Variants in CELF4 observed in about 807,000 individuals in gnomAD.
CELF4 encodes the protein CUGBP Elav-like family member 4, also known as CUG-BP- and ETR-3-like factor 4.
In CELF4, 18 loss-of-function variants were observed where a neutral mutation model predicts 59.9. The ratio of observed to expected loss-of-function variants is 0.30; its 90% confidence interval spans 0.21 to 0.45. The LOEUF (loss-of-function observed/expected upper bound fraction) is 0.45. CELF4 is among the 20% of genes least tolerant of loss of function. CELF4 has a pLI of 1.00. For synonymous variants in CELF4, 261 were observed against 267.1 expected (o/e 0.98, Z 0.22); for missense variants, 456 against 689.0 (o/e 0.66, Z 3.79).
chr18:37,440,903 T>TC (rs1407169014), intron 2 of CELF4, among the ~76,000 whole-genome samples: 1 of 152,180 alleles, frequency 6.6e-6, no homozygotes, highest in Non-Finnish European at 1.5e-5. Flanking sequence ...ATAACAATTC[T>TC]CCCCTGATCT....
At chr18:37,273,650 A>C (rs768800318) in intron 6 of CELF4, 34 of 988,184 alleles carry the variant, frequency 3.4e-5, no homozygotes, top group Non-Finnish European at 4.1e-5. Context: ...GAGTGCGGAC[A>C]GGGGAGGCTG....
chr18:37,517,473 C>T (rs1418437745), intron 1 of CELF4, among the ~76,000 whole-genome samples: 1 of 152,134 alleles, frequency 6.6e-6, no homozygotes, highest in African/African-American at 2.4e-5. Flanking sequence ...CCCTACCACT[C>T]AGCCCACTGC....
chr18:37,522,863 T>C (rs2099959175), intron 1 of CELF4, among the ~76,000 whole-genome samples: 1 of 152,112 alleles, frequency 6.6e-6, no homozygotes, highest in Non-Finnish European at 1.5e-5. Context: ...CATTGCATTG[T>C]CTCCTTCCCT....
At chr18:37,470,875 T>TGACAGA (rs2099819653) in intron 2 of CELF4, among the ~76,000 whole-genome samples, 1 of 102,128 alleles carries the variant, frequency 9.8e-6, no homozygotes, top group Non-Finnish European at 2.0e-5. Context: ...TGTGTGTGTG[T>TGACAGA]GTGTGTGTGT....
At chr18:37,421,267 A>G (rs1053784139) in intron 2 of CELF4, among the ~76,000 whole-genome samples, 1 of 152,222 alleles carries the variant, frequency 6.6e-6, no homozygotes, top group Non-Finnish European at 1.5e-5. Context: ...TAGGGCTGGG[A>G]TTAGAACACA....
At position 37,383,023 on chromosome 18, in the gene CELF4, C is replaced by CATGTATGT. The variant is rs72091493; in HGVS notation, c.370-61150_370-61143dup. ...AATATTATGTATGTAATAGTACATA[C>CATGTATGT]ATGTATGTATGTATGTATGTATGTA... is the stretch of plus-strand genomic sequence containing the variant. On this transcript the variant is annotated intron_variant, in intron 2 of 12. Transcript: ENST00000420428. Among the ~76,000 whole-genome samples the CATGTATGT allele has an allele frequency of 2.5e-3, 371 of 150,394 alleles. 1 individual carries two copies. The highest frequency in any genetic ancestry group is 5.6e-3 in the African/African-American group (229 of 40,760).
At chr18:37,328,792 T>C (rs2097425349) in intron 2 of CELF4, among the ~76,000 whole-genome samples, 2 of 152,236 alleles carry the variant, frequency 1.3e-5, no homozygotes, top group South Asian at 4.2e-4. Context: ...ACGATGGTCA[T>C]GGAAACAGTG....
intron 3 of CELF4, among the ~76,000 whole-genome samples, chr18:37,291,271 C>T (rs1316558661): frequency 1.3e-5 from 2 of 152,152 alleles, no homozygotes; most frequent in East Asian, 3.9e-4. Context: ...TGTGCATCTT[C>T]CCACTGCTGG....
intron 2 of CELF4, among the ~76,000 whole-genome samples, chr18:37,333,928 C>T (rs1233429997): frequency 6.6e-6 from 1 of 152,166 alleles, no homozygotes; most frequent in Non-Finnish European, 1.5e-5. Context: ...ACCACCCAGT[C>T]TCCAGAAGGG....
chr18:37,242,873 T>C (rs139724891), downstream of CELF4, among the ~76,000 whole-genome samples: 1 of 152,188 alleles, frequency 6.6e-6, no homozygotes, highest in African/African-American at 2.4e-5. Flanking sequence ...GGACCTCCTT[T>C]TATTGTTCCC....
intron 1 of CELF4, among the ~76,000 whole-genome samples, chr18:37,497,303 G>A (rs186151235): frequency 4.0e-4 from 61 of 152,206 alleles, no homozygotes; most frequent in Non-Finnish European, 6.9e-4. Context: ...CATTCATTTC[G>A]CAACCATTTA....
chr18:37,364,795 A>G (rs547365523), intron 2 of CELF4, among the ~76,000 whole-genome samples: 46 of 152,338 alleles, frequency 3.0e-4, no homozygotes, highest in African/African-American at 1.1e-3. Flanking sequence ...TATGCAGTTC[A>G]GTGATGGGGT....
chr18:37,489,594 G>A (rs1189596594), intron 1 of CELF4, among the ~76,000 whole-genome samples: 1 of 152,040 alleles, frequency 6.6e-6, no homozygotes, highest in Non-Finnish European at 1.5e-5. Context: ...CTGTGAGGGT[G>A]TCCAGCTGAA....
chr18:37,255,619 TAAAGTCAAGTTACGTCAAGTA>T (rs1031908028), intron 11 of CELF4, among the ~76,000 whole-genome samples: 1 of 151,718 alleles, frequency 6.6e-6, no homozygotes, highest in African/African-American at 2.4e-5. Context: ...GTCTAATCAC[TAAAGTCAAGTTACGTCAAGTA>T]AAAGTCAAGT....
At chr18:37,495,422 T>G (rs528955870) in intron 1 of CELF4, among the ~76,000 whole-genome samples, 1 of 152,246 alleles carries the variant, frequency 6.6e-6, no homozygotes, top group South Asian at 2.1e-4. Context: ...TTCTCCCTCT[T>G]GGCCTGTTTT....
chr18:37,341,447 G>A (rs1304964188), intron 2 of CELF4, among the ~76,000 whole-genome samples: 1 of 152,218 alleles, frequency 6.6e-6, no homozygotes, highest in East Asian at 1.9e-4. Flanking sequence ...CCTTACATGA[G>A]GAGGGTTAAA....
At chr18:37,405,884 G>C (rs1389146668) in intron 2 of CELF4, among the ~76,000 whole-genome samples, 1 of 152,096 alleles carries the variant, frequency 6.6e-6, no homozygotes, top group Non-Finnish European at 1.5e-5. Context: ...GGGCTGGGCT[G>C]GCCCCCCTCC....
At chr18:37,494,812 G>A (rs1356651209) in intron 1 of CELF4, among the ~76,000 whole-genome samples, 2 of 152,112 alleles carry the variant, frequency 1.3e-5, no homozygotes, top group Non-Finnish European at 2.9e-5. Flanking sequence ...CCATGCTCAG[G>A]GAGACACGAG....
rs952183655 is a variant in CELF4, at chr18:37,387,067, G to A, written c.370-65186C>T. Among the ~76,000 whole-genome samples, 9 of 152,332 alleles carry A rather than the reference G, an allele frequency of 5.9e-5. No homozygotes were observed. In the East Asian group the frequency reaches 7.7e-4, roughly 13 times the overall value. On this transcript the variant is annotated intron_variant, in intron 2 of 12. Coordinates refer to ENST00000420428, the MANE Select transcript of CELF4 (RefSeq NM_020180.4). ...GCTGTGGAGGCGGCTCCCCAGCCCC[G>A]GCTGGCCTCAGTGGAGGATGTGGGG...
Sources: allele counts gnomAD v4.1 joint callset (sites outside exome capture counted in the v4.1 genomes callset), GRCh38; gene constraint gnomAD v4.1.1; transcripts MANE v1.5; gene names NCBI Gene and HGNC (gene_info 2026-07-23, HGNC 2026-07-21).